The following MRC2 variants were observed in gnomAD, a reference collection of about 807,000 sequenced individuals.
The protein encoded by MRC2 is C-type mannose receptor 2.
Under a neutral mutation model 206.2 loss-of-function variants are expected in MRC2, and 84 were observed. The ratio of observed to expected loss-of-function variants is 0.41; its 90% CI spans 0.34 to 0.49. The LOEUF (loss-of-function observed/expected upper bound fraction) is 0.49, where lower values mean the gene tolerates loss of function less well. Among genes scored for constraint, MRC2 ranks in the 20% least tolerant of loss-of-function variants. The pLI is 0.31. For synonymous variants in MRC2, 798 were observed against 800.0 expected (o/e 1.00, Z 0.04); for missense variants, 1,676 against 2,001.5 (o/e 0.84, Z 3.10).
chr17:62,655,529 G>GA (rs2088608137), intron 1 of MRC2, among the ~76,000 whole-genome samples: 1 of 151,588 alleles, frequency 6.6e-6, no homozygotes, highest in Non-Finnish European at 1.5e-5. Flanking sequence ...GCAACAGAGC[G>GA]AGACTCCATC....
chr17:62,640,747 C>T (rs1173970696), intron 1 of MRC2, among the ~76,000 whole-genome samples: 3 of 151,236 alleles, frequency 2.0e-5, no homozygotes, highest in East Asian at 1.9e-4. Context: ...TGCAGTGGCA[C>T]GATCTCGGCT....
At chr17:62,665,405 C>A (rs1255179547) in intron 2 of MRC2, among the ~76,000 whole-genome samples, 1 of 143,652 alleles carries the variant, frequency 7.0e-6, no homozygotes, top group Non-Finnish European at 1.5e-5. Context: ...ACTCTGTCCC[C>A]CCCCCCACAA....
At chr17:62,654,650 C>T (rs979125905) in intron 1 of MRC2, among the ~76,000 whole-genome samples, 3 of 152,068 alleles carry the variant, frequency 2.0e-5, no homozygotes, top group African/African-American at 2.4e-5. Flanking sequence ...CTCAGCCTCG[C>T]GACTTCACCA....
intron 1 of MRC2, among the ~76,000 whole-genome samples, chr17:62,631,721 G>T (rs532616859): frequency 2.0e-5 from 3 of 152,012 alleles, no homozygotes; most frequent in Non-Finnish European, 2.9e-5. Context: ...GGACCGAGCC[G>T]CCTGCAGTGT....
At chr17:62,655,766 G>T (rs1016170780) in intron 1 of MRC2, among the ~76,000 whole-genome samples, 1 of 148,098 alleles carries the variant, frequency 6.8e-6, no homozygotes, top group Admixed American at 6.7e-5. Context: ...AAGAAAGAAA[G>T]AAATATTTCT....
intron 12 of MRC2, 25 bp downstream of exon 12, chr17:62,677,511 G>C (rs1316895573): frequency 5.7e-6 from 9 of 1,566,202 alleles, no homozygotes; most frequent in Non-Finnish European, 1.7e-6. Context: ...TGGCCGGGTA[G>C]GGGGCAGGGG....
In MRC2 at chr17:62,664,526, C is replaced by CGTGTCTTG. The variant is rs1568060116; in HGVS notation, c.119-21_119-14dup. On this transcript the variant is annotated intron_variant, in intron 1 of 29. Transcript: ENST00000303375. The surrounding 1 kb of genome is among the most constrained non-coding windows in gnomAD (Gnocchi z 4.7). ...ACCAGGAGAGCCCCTGTGATGCCTTCGTGTCTTGCCTTCCCTTCCAGAACC... is the reference window on the plus strand; with the variant it reads ...ACCAGGAGAGCCCCTGTGATGCCTTCGTGTCTTGGTGTCTTGCCTTCCCTTCCAGAACC... 3 of 1,588,812 alleles carry CGTGTCTTG rather than the reference C, an allele frequency of 1.9e-6. No individual in the cohort carries two copies. The highest frequency in any genetic ancestry group is 2.6e-6 in the Non-Finnish European group (3 of 1,167,866).
At position 62,666,181 on chromosome 17, in the gene MRC2, G is replaced by A; in HGVS notation, c.608G>A (p.Ser203Asn). The A allele has an allele frequency of 1.2e-6, 2 of 1,603,366 alleles. No homozygotes were observed. Among genetic ancestry groups the A allele is most frequent in the Non-Finnish European group, 1.7e-6 (2 of 1,175,124 alleles). Residue 203 changes from serine to asparagine, a missense_variant, in exon 3 of 30, where the codon AGC (serine) becomes AAC (asparagine). By Grantham distance (46) the Ser-to-Asn change is conservative. This residue lies in a region of MRC2 where 318 missense variants were observed against 346.7 expected (regional missense o/e 0.92). Transcript: ENST00000303375. The surrounding 1 kb of genome is among the most constrained non-coding windows in gnomAD (Gnocchi z 5.0). ...AACCAGTGGTTCCACGGCTGCACCA[G>A]CACGGGCCGCGAGGATGGTCACCTG... is the stretch of plus-strand genomic sequence containing the variant. ...YDNQWFHGCT[S>N]TGREDGHLWC...
Position 62,666,420 on chromosome 17 carries a change from A to T in MRC2, c.695-35A>T. ...GGTCTGCACTCCCGAGGGACCCTGG[A>T]GGGGGCCTGAAGGAGAGGGCTGTCG... On this transcript the variant is annotated intron_variant, in intron 3 of 29. Coordinates refer to ENST00000303375, the MANE Select transcript of MRC2 (RefSeq NM_006039.5). This position sits in a 1 kb window ranked among gnomAD's most constrained non-coding sequence, Gnocchi z 5.0. 1 of 1,612,940 alleles carries T rather than the reference A, an allele frequency of 6.2e-7. No homozygotes were observed. Among genetic ancestry groups the T allele is most frequent in the Non-Finnish European group, 8.5e-7 (1 of 1,179,790 alleles).
intron 1 of MRC2, among the ~76,000 whole-genome samples, chr17:62,628,202 CG>C (rs897081295): frequency 6.6e-6 from 1 of 151,910 alleles, no homozygotes; most frequent in Non-Finnish European, 1.5e-5. Context: ...TAGGAGGAAG[CG>C]GGTGGGCTCT....
At chr17:62,641,676 CAG>C (rs1384515606) in intron 1 of MRC2, among the ~76,000 whole-genome samples, 3 of 152,162 alleles carry the variant, frequency 2.0e-5, no homozygotes, top group African/African-American at 7.2e-5. Flanking sequence ...AAATGTAACA[CAG>C]AGGTGGACGA....
chr17:62,691,185 G>A (rs1307088150), intron 28 of MRC2, 57 bp downstream of exon 28: 1 of 1,518,134 alleles, frequency 6.6e-7, no homozygotes, highest in Admixed American at 2.4e-5. Context: ...GCTGGTCCTG[G>A]GCTGGGGCTG....
rs1428026726 is a variant in MRC2, at chr17:62,666,577, C to T, written c.817C>T (p.Leu273=). 2 of 1,608,822 alleles carry T rather than the reference C, an allele frequency of 1.2e-6. No individual in the cohort carries two copies. Among genetic ancestry groups the T allele is most frequent in the Non-Finnish European group, 1.7e-6 (2 of 1,177,878 alleles). The change falls in exon 4 of 30, where the codon CTG becomes TTG. Residue 273 remains leucine (L), a synonymous_variant. Transcript: ENST00000303375. This position sits in a 1 kb window ranked among gnomAD's most constrained non-coding sequence, Gnocchi z 5.0. ...CAGCTGCGAGCAGCAGGGTGCGGAT[C>T]TGCTGAGCATCACGGAGATCCACGA... The part of the protein sequence containing the change: ...WASCEQQGAD[L]LSITEIHEQT...
intron 1 of MRC2, among the ~76,000 whole-genome samples, chr17:62,656,351 T>C (rs2953186): frequency 0.017 from 2,561 of 152,238 alleles, 43 homozygotes; most frequent in Non-Finnish European, 0.027. Flanking sequence ...AGCCTACACC[T>C]GGCTAATTTT....
intron 1 of MRC2, among the ~76,000 whole-genome samples, chr17:62,634,350 A>G (rs994052598): frequency 6.6e-6 from 1 of 151,908 alleles, no homozygotes; most frequent in Non-Finnish European, 1.5e-5. Flanking sequence ...GCCCAGGCTG[A>G]AGTGCGATGG....
intron 1 of MRC2, among the ~76,000 whole-genome samples, chr17:62,630,780 G>T (rs2084209743): frequency 6.6e-6 from 1 of 151,808 alleles, no homozygotes; most frequent in Non-Finnish European, 1.5e-5. Flanking sequence ...GGACAGGGAG[G>T]GTGGCATCGG....
At position 62,689,775 on chromosome 17, in the gene MRC2, C is replaced by CTT; in HGVS notation, c.3573+18_3573+19dup. 1 of 1,533,998 alleles carries CTT rather than the reference C, an allele frequency of 6.5e-7. No homozygotes were observed. Among genetic ancestry groups the CTT allele is most frequent in the Non-Finnish European group, 8.8e-7 (1 of 1,139,758 alleles). ...CTGGCGAGGAGGTGGGCTCCCGACA[C>CTT]TTTTGCCCTGGGCCCCAGCCTTGCC... On this transcript the variant is annotated intron_variant, in intron 24 of 29. Coordinates refer to ENST00000303375, the MANE Select transcript of MRC2 (RefSeq NM_006039.5).
rs1292742475 is a variant in MRC2 at position 62,680,997 on chromosome 17, G to A, written c.2634+37G>A. The A allele has an allele frequency of 6.2e-7, 1 of 1,611,766 alleles. No homozygotes were observed. The highest frequency in any genetic ancestry group is 1.3e-5 in the African/African-American group (1 of 74,932). On this transcript the variant is annotated intron_variant, in intron 17 of 29. Coordinates refer to ENST00000303375, the MANE Select transcript of MRC2 (RefSeq NM_006039.5). The surrounding 1 kb of genome is among the most constrained non-coding windows in gnomAD (Gnocchi z 4.8). ...ATTGAGCAGGGGGCTGCAGGCTGGG[G>A]GAGGGCAGGCCCGGGATGAGGGCAG...
At chr17:62,681,281 T>A in intron 18 of MRC2, 152 bp downstream of exon 18, 4 of 879,896 alleles carry the variant, frequency 4.5e-6, no homozygotes, top group Non-Finnish European at 6.9e-6. Context: ...GCCTTGGTTT[T>A]CTCATCTGAA....
Sources: allele counts gnomAD v4.1 joint callset (sites outside exome capture counted in the v4.1 genomes callset), GRCh38; gene constraint gnomAD v4.1.1; regional missense constraint gnomAD v4.1.1; non-coding constraint Gnocchi (gnomAD v3.1); transcripts MANE v1.5; gene names NCBI Gene and HGNC (gene_info 2026-07-23, HGNC 2026-07-21).